The following EIF5B variants were observed in gnomAD, a reference collection of about 807,000 sequenced individuals.
The protein encoded by EIF5B is eukaryotic translation initiation factor 5B.
EIF5B carries 47 observed loss-of-function variants against 147.5 expected under a neutral mutation model. The ratio of observed to expected loss-of-function variants is 0.32; its 90% CI spans 0.25 to 0.41. The LOEUF is 0.41. Ranked by LOEUF, EIF5B falls within the 10% of genes least tolerant of loss-of-function variation. The probability of loss-of-function intolerance (pLI) is 1.00; values close to 1 mark genes in which losing one functional copy is unlikely to be tolerated. For missense variants in EIF5B, 1,064 were observed against 1,413.2 expected, an observed-to-expected ratio of 0.75 and a Z score of 3.96; for synonymous variants, 455 against 456.2, an observed-to-expected ratio of 1.00 and a Z score of 0.03.
Position 99,395,845 on chromosome 2 carries a change from G to A in EIF5B, c.3255-915G>A, listed in dbSNP as rs116880878. The stretch of plus-strand genomic sequence containing the variant: ...CAGTGCGAGGCAGAGTGACCAGAAG[G>A]GACAGTGATAAATGAGGTCAGAGAG... On this transcript the variant is annotated intron_variant, in intron 21 of 23. Transcript: ENST00000289371. Among the ~76,000 whole-genome samples the A allele has an allele frequency of 1.1e-3, 165 of 152,262 alleles. 4 individuals are homozygous for A. In the East Asian group the frequency reaches 0.029, roughly 27 times the overall value.
chr2:99,399,205 C>CT, intron 23 of EIF5B, 102 bp from the exon 24 acceptor site: 1 of 1,139,266 alleles, frequency 8.8e-7, no homozygotes. Flanking sequence ...TTTATTTCTG[C>CT]TTAAGCTTTT....
At chr2:99,338,323 AT>A in intron 1 of EIF5B, 1 of 1,289,046 alleles carries the variant, frequency 7.8e-7, no homozygotes, top group Non-Finnish European at 1.0e-6. Flanking sequence ...TTACCTAGAG[AT>A]TTTTGAGACA....
At chr2:99,351,046 G>A (rs1180945718) in intron 1 of EIF5B, among the ~76,000 whole-genome samples, 2 of 152,194 alleles carry the variant, frequency 1.3e-5, no homozygotes, top group African/African-American at 2.4e-5. Flanking sequence ...GGATAAAAGG[G>A]CCAGGCATGG....
intron 14 of EIF5B, 60 bp downstream of exon 14, chr2:99,382,981 A>T (rs190009569): frequency 2.7e-6 from 4 of 1,498,362 alleles, no homozygotes; most frequent in African/African-American, 2.8e-5. Flanking sequence ...TTTTGTGATT[A>T]AAAAAAGTAG....
intron 1 of EIF5B, among the ~76,000 whole-genome samples, chr2:99,349,080 A>G (rs986590788): frequency 3.6e-4 from 55 of 152,252 alleles, no homozygotes; most frequent in Admixed American, 3.2e-3. Flanking sequence ...TCCAAGAGAC[A>G]GGAAGCTGCC....
intron 1 of EIF5B, among the ~76,000 whole-genome samples, chr2:99,345,917 C>G (rs1046480323): frequency 3.4e-5 from 5 of 146,788 alleles, no homozygotes; most frequent in African/African-American, 1.3e-4. Context: ...GCACTTCAGC[C>G]TGGGTGACAG....
chr2:99,369,207 G>A lies in EIF5B; in HGVS notation c.1388-185G>A, dbSNP rs555244105. Among the ~76,000 whole-genome samples the A allele has an allele frequency of 2.1e-4, 32 of 152,334 alleles. No homozygotes were observed. In the South Asian group the frequency reaches 5.8e-3, roughly 28 times the overall value. Reference sequence around the variant, plus strand: ...GAGAATTGCTTGAACCCGGGAGGTGGAGGTTGCAGTGAGCTGAGATTGTAC... The same window carrying A: ...GAGAATTGCTTGAACCCGGGAGGTGAAGGTTGCAGTGAGCTGAGATTGTAC... On this transcript the variant is annotated intron_variant, in intron 7 of 23. Transcript: ENST00000289371.
chr2:99,394,170 G>C, intron 18 of EIF5B, 97 bp from the exon 19 acceptor site: 1 of 1,460,396 alleles, frequency 6.8e-7, no homozygotes, highest in Middle Eastern at 2.1e-4. Flanking sequence ...CATATTTGCA[G>C]ATGAGTACTT....
intron 1 of EIF5B, among the ~76,000 whole-genome samples, chr2:99,341,390 A>G (rs1219104772): frequency 6.6e-6 from 1 of 152,176 alleles, no homozygotes. Context: ...TAATAAGAAA[A>G]CAGATTATAG....
At chr2:99,390,768 G>A (rs1246613760) in intron 17 of EIF5B, 63 bp downstream of exon 17, 2 of 1,498,384 alleles carry the variant, frequency 1.3e-6, no homozygotes, top group East Asian at 2.3e-5. Context: ...GTTCTGCTGA[G>A]ATGGTTTCCT....
At position 99,361,130 on chromosome 2, in the gene EIF5B, A is replaced by T; in HGVS notation, c.247-18A>T. The T allele has an allele frequency of 5.4e-6, 8 of 1,473,484 alleles. No homozygotes were observed. Among genetic ancestry groups the T allele is most frequent in the Non-Finnish European group, 7.2e-6 (8 of 1,114,884 alleles). 91.3% of individuals were successfully genotyped at this position (1,473,484 alleles called of 1,614,324 possible). A position where few individuals can be genotyped will look rare whatever the true frequency, so the allele number is the denominator to read the frequency against. On this transcript the variant is annotated intron_variant, in intron 3 of 23. Transcript: ENST00000289371. ...ATTATAATTCTGTTAATTTTTTCTA[A>T]CAATGGAAATTTTTTAGCCAACAGA...
intron 14 of EIF5B, among the ~76,000 whole-genome samples, chr2:99,384,424 C>T (rs904160142): frequency 6.6e-6 from 1 of 152,154 alleles, no homozygotes; most frequent in Non-Finnish European, 1.5e-5. Flanking sequence ...ATGTTGTTTT[C>T]GTGCCTGCTA....
chr2:99,389,651 G>A (rs1674882965), intron 14 of EIF5B, 67 bp from the exon 15 acceptor site: 1 of 1,448,548 alleles, frequency 6.9e-7, no homozygotes, highest in African/African-American at 1.4e-5. Flanking sequence ...ATTTTCTGGA[G>A]CTATTAATAC....
intron 12 of EIF5B, among the ~76,000 whole-genome samples, chr2:99,381,106 T>G (rs1674677579): frequency 6.6e-6 from 1 of 152,188 alleles, no homozygotes; most frequent in Non-Finnish European, 1.5e-5. Context: ...AGTAGTGAAT[T>G]TTTATTTTAG....
At chr2:99,385,005 T>A (rs911404681) in intron 14 of EIF5B, among the ~76,000 whole-genome samples, 2 of 152,222 alleles carry the variant, frequency 1.3e-5, no homozygotes, top group East Asian at 3.8e-4. Context: ...AGAAGCTCTA[T>A]TCTGGGTAGA....
In EIF5B at chr2:99,399,958, G is replaced by A. The variant is rs1675170829; in HGVS notation, c.*544G>A. Reference sequence around the variant, plus strand: ...CTTTAGCTGCTTTGTGTGAAACCATGGTGTAAAAGCACAGCTGGCTGCTTT... The same window carrying A: ...CTTTAGCTGCTTTGTGTGAAACCATAGTGTAAAAGCACAGCTGGCTGCTTT... On this transcript the variant is annotated 3_prime_UTR_variant, in exon 24 of 24. Coordinates refer to ENST00000289371, the MANE Select transcript of EIF5B (RefSeq NM_015904.4). The A allele has an allele frequency of 6.5e-6, 1 of 153,046 alleles. No homozygotes were observed. Among genetic ancestry groups the A allele is most frequent in the African/African-American group, 2.4e-5 (1 of 41,460 alleles). The allele number at this position is 153,046 out of a possible 1,614,324, so 9.5% of individuals were successfully genotyped here. A position where few individuals can be genotyped will look rare whatever the true frequency, so the allele number is the denominator to read the frequency against.
intron 15 of EIF5B, 80 bp from the exon 16 acceptor site, chr2:99,390,139 C>T (rs1174289476): frequency 6.6e-7 from 1 of 1,505,940 alleles, no homozygotes; most frequent in East Asian, 2.3e-5. Context: ...GCCATTTGCT[C>T]ATCCGGCTTC....
At chr2:99,359,302 G>A (rs192983307) in intron 1 of EIF5B, among the ~76,000 whole-genome samples, 1 of 152,076 alleles carries the variant, frequency 6.6e-6, no homozygotes, top group Admixed American at 6.5e-5. Flanking sequence ...CCAGGAGGTG[G>A]AGGTTGCAGT....
rs1674967356 is a variant in EIF5B, at chr2:99,392,989, A to T, written c.2771A>T (p.Glu924Val). ...TAGAACCAGTATGAAAAGCATAAAG[A>T]AGTAGAAGCAGCTCAGGGGGTAAAG... ...RVKNQYEKHK[E>V]VEAAQGVKIL... The change falls in exon 18 of 24, where the codon GAA (glutamate) becomes GTA (valine). Residue 924 changes from glutamate to valine, a missense_variant. Transcript: ENST00000289371. 2.6e-6 allele frequency: 4 copies of T among 1,556,518 alleles called. No individual in the cohort carries two copies. Among genetic ancestry groups the T allele is most frequent in the Non-Finnish European group, 3.5e-6 (4 of 1,153,080 alleles).
Sources: gnomAD v4.1 joint callset for allele counts (sites outside exome capture counted in the v4.1 genomes callset) on GRCh38, gnomAD v4.1.1 for gene constraint, MANE v1.5 for transcripts, NCBI Gene and HGNC (gene_info 2026-07-23, HGNC 2026-07-21) for gene names.